Variants in GABRB3 observed in about 807,000 individuals in gnomAD.
GABRB3 encodes the protein gamma-aminobutyric acid receptor subunit beta-3.
GABRB3 carries 14 observed loss-of-function variants against 52.1 expected under a neutral mutation model. That is an observed-to-expected ratio of 0.27 (90% CI 0.18 to 0.42). The LOEUF is 0.42. Among genes scored for constraint, GABRB3 ranks in the 10% least tolerant of loss-of-function variants. The pLI is 1.00. For synonymous variants in GABRB3, 260 were observed against 232.3 expected, an observed-to-expected ratio of 1.12 and a Z score of -1.08; for missense variants, 307 against 609.1, an observed-to-expected ratio of 0.50 and a Z score of 5.22.
intron 4 of GABRB3, among the ~76,000 whole-genome samples, chr15:26,620,388 A>G (rs1897356): frequency 0.17 from 25,590 of 152,152 alleles, 2,199 homozygotes; most frequent in African/African-American, 0.22. Flanking sequence ...GGATTTAAAT[A>G]TATACTGTTA....
chr15:26,593,981 A>AATAT (rs61218096), intron 4 of GABRB3, among the ~76,000 whole-genome samples: 20,567 of 133,582 alleles, frequency 0.15, 2,219 homozygotes, highest in East Asian at 0.62. Context: ...CTCATTTTAA[A>AATAT]ATATATATAT....
intron 3 of GABRB3, among the ~76,000 whole-genome samples, chr15:26,721,082 C>T (rs954953476): frequency 3.4e-4 from 51 of 152,164 alleles, no homozygotes; most frequent in African/African-American, 1.2e-3. Context: ...CAAGCTCTCC[C>T]TGAGGGGACC....
At chr15:26,557,700 G>T (rs572511518) in intron 8 of GABRB3, 1 of 152,060 alleles carries the variant, frequency 6.6e-6, no homozygotes, top group Non-Finnish European at 1.5e-5. Flanking sequence ...CTTAAGTACC[G>T]ATCTACAATA....
At chr15:26,772,077 C>T (rs577808120) in intron 3 of GABRB3, 2 of 287,386 alleles carry the variant, frequency 7.0e-6, no homozygotes, top group East Asian at 1.5e-4. Flanking sequence ...AGACAGCGCT[C>T]GGGAAACCTC....
At chr15:26,666,341 A>T (rs1294514370) in intron 3 of GABRB3, 1 of 151,992 alleles carries the variant, frequency 6.6e-6, no homozygotes, top group Non-Finnish European at 1.5e-5. Flanking sequence ...TTTTATTGTG[A>T]CTCTTTCTGA....
intron 3 of GABRB3, among the ~76,000 whole-genome samples, chr15:26,727,740 A>C (rs529052021): frequency 6.6e-6 from 1 of 152,080 alleles, no homozygotes; most frequent in East Asian, 1.9e-4. Context: ...CCATTTCTCT[A>C]TCTCTCTCTG....
rs568983671 is a variant in GABRB3, at chr15:26,766,327, C to T, written c.240+6075G>A. Among the ~76,000 whole-genome samples the T allele has an allele frequency of 4.1e-4, 62 of 152,290 alleles. 2 individuals carry two copies. The highest frequency in any genetic ancestry group is 3.7e-3 in the South Asian group (18 of 4,826). ...TCACCCATATTAGATTCTGAAAAGT[C>T]AGTTGATGAATTCAGATGGTATTAC... On this transcript the variant is annotated intron_variant, in intron 3 of 8. Transcript: ENST00000311550.
chr15:26,649,187 T>C (rs1204429075), intron 3 of GABRB3, among the ~76,000 whole-genome samples: 2 of 152,124 alleles, frequency 1.3e-5, no homozygotes, highest in South Asian at 2.1e-4. Context: ...ACCTTGGTGA[T>C]AGTCATGAAG....
intron 3 of GABRB3, chr15:26,716,491 G>T: frequency 1.6e-6 from 1 of 634,664 alleles, no homozygotes. Context: ...TTGCCATGAA[G>T]AAACGATGCT....
chr15:26,692,454 T>C (rs967678470), intron 3 of GABRB3, among the ~76,000 whole-genome samples: 15 of 152,198 alleles, frequency 9.9e-5, no homozygotes, highest in African/African-American at 3.4e-4. Flanking sequence ...TCTTTAGATA[T>C]TAGTATTTGG....
At chr15:26,718,272 G>A (rs921516873) in intron 3 of GABRB3, among the ~76,000 whole-genome samples, 1 of 152,042 alleles carries the variant, frequency 6.6e-6, no homozygotes, top group Non-Finnish European at 1.5e-5. Flanking sequence ...GCAATGGCAC[G>A]ATCTCGGCTC....
intron 4 of GABRB3, among the ~76,000 whole-genome samples, chr15:26,619,868 A>G (rs1406024066): frequency 6.6e-6 from 1 of 151,506 alleles, no homozygotes; most frequent in Non-Finnish European, 1.5e-5. Context: ...CACCACACAC[A>G]CATCCACAAT....
chr15:26,688,725 T>G (rs2140660457), intron 3 of GABRB3, among the ~76,000 whole-genome samples: 1 of 152,324 alleles, frequency 6.6e-6, no homozygotes, highest in East Asian at 1.9e-4. Flanking sequence ...AAGTCACTTT[T>G]GAGGAGTGGC....
chr15:26,600,284 T>G (rs534461857), intron 4 of GABRB3, among the ~76,000 whole-genome samples: 1 of 152,006 alleles, frequency 6.6e-6, no homozygotes, highest in South Asian at 2.1e-4. Context: ...ATAATAGGAT[T>G]TGCAGAAGTA....
At chr15:26,704,723 C>T (rs1889043361) in intron 3 of GABRB3, among the ~76,000 whole-genome samples, 1 of 152,220 alleles carries the variant, frequency 6.6e-6, no homozygotes, top group Non-Finnish European at 1.5e-5. Context: ...GAAAGTCCTA[C>T]AGCATGTATA....
chr15:26,763,179 C>T (rs1890867221), intron 3 of GABRB3, among the ~76,000 whole-genome samples: 2 of 152,136 alleles, frequency 1.3e-5, no homozygotes, highest in East Asian at 1.9e-4. Context: ...GTAACTCCAA[C>T]GCCTCCCAAG....
intron 4 of GABRB3, among the ~76,000 whole-genome samples, chr15:26,595,960 C>T (rs1023819189): frequency 5.3e-5 from 8 of 152,090 alleles, no homozygotes; most frequent in African/African-American, 1.9e-4. Context: ...AAGACATGGC[C>T]CCTGTTCGTA....
At chr15:26,711,880 G>A (rs1307098682) in intron 3 of GABRB3, among the ~76,000 whole-genome samples, 1 of 152,256 alleles carries the variant, frequency 6.6e-6, no homozygotes, top group Non-Finnish European at 1.5e-5. Flanking sequence ...AGGGGAGAGA[G>A]AGGGACTGCA....
At chr15:26,724,549 A>G (rs982008192) in intron 3 of GABRB3, among the ~76,000 whole-genome samples, 5 of 152,102 alleles carry the variant, frequency 3.3e-5, no homozygotes, top group Admixed American at 1.3e-4. Context: ...TTCTTTCCTG[A>G]TAAGAGACCA....
Sources: gnomAD v4.1 joint callset for allele counts (sites outside exome capture counted in the v4.1 genomes callset) on GRCh38, gnomAD v4.1.1 for gene constraint, MANE v1.5 for transcripts, NCBI Gene and HGNC (gene_info 2026-07-23, HGNC 2026-07-21) for gene names.